The following DACH1 variants were observed in gnomAD, a reference collection of about 807,000 sequenced individuals.
DACH1 encodes the protein dachshund homolog 1.
Under a neutral mutation model 54.2 loss-of-function variants are expected in DACH1, and 12 were observed. The observed-to-expected ratio is 0.22, with a 90% CI of 0.14 to 0.36. The LOEUF is 0.36. Among genes scored for constraint, DACH1 ranks in the 10% least tolerant of loss-of-function variants. DACH1 has a pLI of 1.00. For missense variants in DACH1, 805 were observed against 929.8 expected (o/e 0.87, Z 1.75); for synonymous variants, 386 against 366.2 (o/e 1.05, Z -0.62).
chr13:71,854,234 G>C (rs567546276), intron 1 of DACH1, among the ~76,000 whole-genome samples: 1 of 151,926 alleles, frequency 6.6e-6, no homozygotes, highest in South Asian at 2.1e-4. Context: ...TCCAGAGTTT[G>C]TTCTGTTTTT....
chr13:71,767,563 T>C (rs900063550), intron 1 of DACH1, among the ~76,000 whole-genome samples: 3 of 148,916 alleles, frequency 2.0e-5, no homozygotes, highest in African/African-American at 4.9e-5. Flanking sequence ...TAAACCATAA[T>C]GTTATAGTTC....
At chr13:71,751,547 A>T (rs1453285820) in intron 1 of DACH1, among the ~76,000 whole-genome samples, 6 of 152,324 alleles carry the variant, frequency 3.9e-5, no homozygotes, top group Admixed American at 3.3e-4. Context: ...TTATAATTAC[A>T]TCTTACATGT....
chr13:71,458,447 A>C (rs1018371413), intron 10 of DACH1, among the ~76,000 whole-genome samples: 2 of 151,946 alleles, frequency 1.3e-5, no homozygotes, highest in Non-Finnish European at 2.9e-5. Context: ...GCATTTCAGA[A>C]GTACTGGGTT....
intron 4 of DACH1, among the ~76,000 whole-genome samples, chr13:71,565,410 C>A (rs1884840997): frequency 6.6e-6 from 1 of 151,882 alleles, no homozygotes; most frequent in Admixed American, 6.6e-5. Flanking sequence ...AATTATTGTC[C>A]CCATGGAGCA....
At chr13:71,707,593 C>T (rs751899089) in intron 1 of DACH1, among the ~76,000 whole-genome samples, 5 of 152,084 alleles carry the variant, frequency 3.3e-5, no homozygotes, top group African/African-American at 1.2e-4. Flanking sequence ...TTTGTTTAGA[C>T]GTAATAATTA....
In DACH1 at chr13:71,475,084, G is replaced by T. The variant is rs1053584737; in HGVS notation, c.2083+57C>A. The T allele has an allele frequency of 1.9e-5, 29 of 1,506,360 alleles. No individual in the cohort carries two copies. In the African/African-American group the frequency reaches 3.6e-4, roughly 19 times the overall value. The allele number at this position is 1,506,360 out of a possible 1,614,324, so 93.3% of individuals were successfully genotyped here. ...CTACATGCTTGAATAGCAGGCTAAA[G>T]CTGAGGAAAAACTCATATAGCAAGA... On this transcript the variant is annotated intron_variant, in intron 10 of 10. Transcript: ENST00000613252.
chr13:71,842,813 G>A (rs75019846), intron 1 of DACH1, among the ~76,000 whole-genome samples: 2,277 of 152,162 alleles, frequency 0.015, 43 homozygotes, highest in African/African-American at 0.051. Context: ...TACTCAGTAA[G>A]GTTAACAATA....
At chr13:71,575,827 A>T (rs1885492990) in intron 3 of DACH1, among the ~76,000 whole-genome samples, 1 of 152,150 alleles carries the variant, frequency 6.6e-6, no homozygotes, top group South Asian at 2.1e-4. Flanking sequence ...CATTTGGGTA[A>T]TAAATAGAGC....
At chr13:71,496,618 CT>C (rs929184989) in intron 6 of DACH1, among the ~76,000 whole-genome samples, 5 of 151,870 alleles carry the variant, frequency 3.3e-5, no homozygotes, top group Non-Finnish European at 7.4e-5. Flanking sequence ...ACAATGTAGG[CT>C]TTTCAGGTAA....
intron 1 of DACH1, among the ~76,000 whole-genome samples, chr13:71,793,343 G>A (rs1295730912): frequency 3.3e-5 from 5 of 152,098 alleles, no homozygotes; most frequent in Non-Finnish European, 4.4e-5. Flanking sequence ...AATAGAAGTG[G>A]TAGAAGACTC....
chr13:71,752,235 T>A (rs573991145), intron 1 of DACH1, among the ~76,000 whole-genome samples: 1 of 152,308 alleles, frequency 6.6e-6, no homozygotes, highest in Admixed American at 6.5e-5. Flanking sequence ...GCTGTGAATG[T>A]GTATTAACAA....
At chr13:71,657,883 C>A (rs999965590) in intron 2 of DACH1, among the ~76,000 whole-genome samples, 2 of 152,060 alleles carry the variant, frequency 1.3e-5, no homozygotes, top group African/African-American at 4.8e-5. Context: ...GCTGGGATTA[C>A]GGGTGTGAGC....
At chr13:71,853,027 G>T (rs545370988) in intron 1 of DACH1, among the ~76,000 whole-genome samples, 12 of 152,166 alleles carry the variant, frequency 7.9e-5, no homozygotes, top group South Asian at 6.2e-4. Flanking sequence ...TCATCCTTGG[G>T]GCAATGGTAT....
At chr13:71,639,209 T>G (rs1877716396) in intron 2 of DACH1, among the ~76,000 whole-genome samples, 3 of 152,172 alleles carry the variant, frequency 2.0e-5, no homozygotes, top group African/African-American at 4.8e-5. Flanking sequence ...TCTCAATGCT[T>G]TCTAAATAAA....
intron 1 of DACH1, among the ~76,000 whole-genome samples, chr13:71,779,238 C>CGTGT (rs1322818403): frequency 3.6e-4 from 26 of 71,450 alleles, no homozygotes; most frequent in African/African-American, 1.9e-3. Context: ...TATATATACA[C>CGTGT]ATATATACGT....
intron 1 of DACH1, among the ~76,000 whole-genome samples, chr13:71,759,571 T>C (rs1407288292): frequency 1.3e-5 from 2 of 152,192 alleles, no homozygotes; most frequent in African/African-American, 4.8e-5. Flanking sequence ...CAATAATGAT[T>C]ACTAAACCAA....
chr13:71,797,440 A>G (rs142290887), intron 1 of DACH1, among the ~76,000 whole-genome samples: 4,447 of 152,242 alleles, frequency 0.029, 396 homozygotes, highest in Admixed American at 0.17. Context: ...CAAACAGTAC[A>G]TTGACTGAAC....
chr13:71,844,287 CATAA>C, intron 1 of DACH1, among the ~76,000 whole-genome samples: 1 of 152,204 alleles, frequency 6.6e-6, no homozygotes, highest in East Asian at 1.9e-4. Context: ...TAAGGTCGTG[CATAA>C]ATAGTACAGG....
At chr13:71,479,110 G>T in intron 8 of DACH1, 59 bp downstream of exon 8, 1 of 1,431,764 alleles carries the variant, frequency 7.0e-7, no homozygotes, top group Non-Finnish European at 9.5e-7. Flanking sequence ...CACCATCATA[G>T]TATTAATATG....
Sources: allele counts gnomAD v4.1 joint callset (sites outside exome capture counted in the v4.1 genomes callset), GRCh38; gene constraint gnomAD v4.1.1; transcripts MANE v1.5; gene names NCBI Gene and HGNC (gene_info 2026-07-23, HGNC 2026-07-21).